Variants in CFAP74 observed in about 807,000 individuals in gnomAD.
The protein encoded by CFAP74 is cilia- and flagella-associated protein 74.
A neutral mutation model predicts 188.9 loss-of-function variants in CFAP74; 124 were observed. That is an observed-to-expected ratio of 0.66 (90% CI 0.57 to 0.76). The LOEUF (loss-of-function observed/expected upper bound fraction) is 0.76, where lower values mean the gene tolerates loss of function less well. CFAP74 is among the 30% of genes least tolerant of loss of function. The pLI is 0.00. For missense variants in CFAP74, 2,198 were observed against 2,165.2 expected, an observed-to-expected ratio of 1.02 and a Z score of -0.30; for synonymous variants, 956 against 916.7, an observed-to-expected ratio of 1.04 and a Z score of -0.77.
rs1656234680 is a variant in CFAP74 at position 1,973,570 on chromosome 1, G to A, written c.674+455C>T. On this transcript the variant is annotated intron_variant, in intron 7 of 38. Transcript: ENST00000682832. The surrounding 1 kb of genome is among the most constrained non-coding windows in gnomAD (Gnocchi z 6.2). ...CCTAGTAGGTGGCCGGGCCCTGGCT[G>A]AGCAGGAGACTCATGACAGAAGACG... Among the ~76,000 whole-genome samples, 1 of 152,120 alleles carries A rather than the reference G, an allele frequency of 6.6e-6. No homozygotes were observed. The highest frequency in any genetic ancestry group is 2.4e-5 in the African/African-American group (1 of 41,428).
rs919309930 is a variant in CFAP74 at position 1,956,529 on chromosome 1, T to C, written c.2016+91A>G. ...CTCCTTCTCCCAGGCCCACTGTTGA[T>C]ACCCTCATGTTGTCACCTCTGTTCA... On this transcript the variant is annotated intron_variant, in intron 17 of 38. Coordinates refer to ENST00000682832, the MANE Select transcript of CFAP74 (RefSeq NM_001304360.2). 5.3e-6 allele frequency: 8 copies of C among 1,498,278 alleles called. No homozygotes were observed. In the African/African-American group the frequency reaches 9.6e-5, roughly 18 times the overall value. 92.8% of individuals were successfully genotyped at this position (1,498,278 alleles called of 1,614,324 possible). A position where few individuals can be genotyped will look rare whatever the true frequency, so the allele number is the denominator to read the frequency against.
At position 1,926,701 on chromosome 1, in the gene CFAP74, C is replaced by T. The variant is rs1035616997; in HGVS notation, c.3723G>A (p.Val1241=). The T allele has an allele frequency of 6.5e-7, 1 of 1,550,040 alleles. No individual in the cohort carries two copies. The highest frequency in any genetic ancestry group is 1.4e-5 in the African/African-American group (1 of 73,024). ...WCPTVAPSVV[V]TSHKGKTIFN... ...AGATGGTCTTGCCTTTATGGGACGT[C>T]ACCACAACAGATGGTGCCACCGTCG... Residue 1241 remains valine (V), a synonymous_variant, in exon 30 of 39, where the codon GTG becomes GTA. Transcript: ENST00000682832.
intron 28 of CFAP74, 80 bp from the exon 29 acceptor site, chr1:1,927,108 TCAGGGTCC>T (rs927080660): frequency 4.5e-5 from 67 of 1,499,248 alleles, no homozygotes; most frequent in East Asian, 3.2e-4. Context: ...CGGCTCTGCC[TCAGGGTCC>T]CAGGGTCCCA....
chr1:1,972,716 C>T (rs900948703), intron 8 of CFAP74, among the ~76,000 whole-genome samples: 6 of 152,096 alleles, frequency 3.9e-5, no homozygotes, highest in East Asian at 1.9e-4. Flanking sequence ...CATGGTGGCG[C>T]GTGCCTGTAA....
chr1:1,922,525 G>A (rs1570802150), intron 38 of CFAP74, 64 bp downstream of exon 38: 2 of 1,587,470 alleles, frequency 1.3e-6, no homozygotes, highest in East Asian at 4.5e-5. Flanking sequence ...CTGGGCAGGG[G>A]TGTCAGCCCA....
At chr1:1,929,818 G>C (rs951551019) in intron 26 of CFAP74, among the ~76,000 whole-genome samples, 6 of 152,110 alleles carry the variant, frequency 3.9e-5, no homozygotes, top group East Asian at 1.9e-4. Context: ...CCTGCCTCTC[G>C]GGGTCAGGCT....
intron 1 of CFAP74, among the ~76,000 whole-genome samples, chr1:1,991,671 G>A (rs1333003304): frequency 6.6e-6 from 1 of 152,104 alleles, no homozygotes; most frequent in Non-Finnish European, 1.5e-5. Flanking sequence ...ATATGCATGT[G>A]AAACTGTGTA....
At chr1:1,990,370 G>A (rs910745325) in intron 2 of CFAP74, among the ~76,000 whole-genome samples, 8 of 150,828 alleles carry the variant, frequency 5.3e-5, no homozygotes, top group Non-Finnish European at 7.4e-5. Flanking sequence ...CAAGGGGGGC[G>A]GGAGAGGGAG....
chr1:1,982,253 CGCGGGG>C (rs1656943931), intron 6 of CFAP74, among the ~76,000 whole-genome samples: 2 of 98,806 alleles, frequency 2.0e-5, no homozygotes, highest in East Asian at 3.2e-4. Flanking sequence ...CGTGGTCACA[CGCGGGG>C]ACACGCAGGA....
At chr1:1,997,362 C>T (rs1657972754) in intron 1 of CFAP74, among the ~76,000 whole-genome samples, 1 of 150,254 alleles carries the variant, frequency 6.7e-6, no homozygotes, top group African/African-American at 2.5e-5. Context: ...GCGGAGGTTG[C>T]AGTGAGCTGA....
At chr1:1,925,682 C>T in intron 33 of CFAP74, 101 bp downstream of exon 33, 1 of 1,362,392 alleles carries the variant, frequency 7.3e-7, no homozygotes, top group Middle Eastern at 2.3e-4. Context: ...CCCACGGGCT[C>T]TCCGACCCAC....
intron 5 of CFAP74, among the ~76,000 whole-genome samples, chr1:1,986,006 C>T (rs1040176305): frequency 7.9e-5 from 12 of 152,328 alleles, no homozygotes; most frequent in African/African-American, 2.2e-4. Flanking sequence ...CATGTGGACA[C>T]GGGTGGTGGG....
rs1216971036 is a variant in CFAP74 at position 1,975,908 on chromosome 1, T to C, written c.501-1710A>G. Among the ~76,000 whole-genome samples, 2 of 152,168 alleles carry C rather than the reference T, an allele frequency of 1.3e-5. No homozygotes were observed. Among genetic ancestry groups the C allele is most frequent in the Non-Finnish European group, 2.9e-5 (2 of 68,036 alleles). ...AGGCAAGACGCTGTCCCAGATGCTGTCGTCGCCCATTCCTGCTGCTGTAGG... is the reference window on the plus strand; with the variant it reads ...AGGCAAGACGCTGTCCCAGATGCTGCCGTCGCCCATTCCTGCTGCTGTAGG... On this transcript the variant is annotated intron_variant, in intron 6 of 38. Transcript: ENST00000682832. This position sits in a 1 kb window ranked among gnomAD's most constrained non-coding sequence, Gnocchi z 4.5.
rs375696027 is a variant in CFAP74, at chr1:1,923,361, G to A, written c.4522+6C>T. On this transcript the variant is annotated splice_donor_region_variant and intron_variant, in intron 36 of 38. Transcript: ENST00000682832. This position sits in a 1 kb window ranked among gnomAD's most constrained non-coding sequence, Gnocchi z 6.3. Reference sequence around the variant, plus strand: ...GTGTCTGTTCCCTCCCTGGGGAGGGGCTCACCCTCTCTGTGCCTGGGGTCA... The same window carrying A: ...GTGTCTGTTCCCTCCCTGGGGAGGGACTCACCCTCTCTGTGCCTGGGGTCA... 179 of 1,562,692 alleles carry A rather than the reference G, an allele frequency of 1.1e-4. No homozygotes were observed. The highest frequency in any genetic ancestry group is 1.5e-4 in the Non-Finnish European group (176 of 1,153,526).
chr1:2,001,454 C>T (rs928319897), intron 1 of CFAP74, among the ~76,000 whole-genome samples: 4 of 152,022 alleles, frequency 2.6e-5, no homozygotes, highest in East Asian at 1.9e-4. Flanking sequence ...CTCAGCCTCC[C>T]GAGTAGCTGG....
intron 38 of CFAP74, 41 bp downstream of exon 38, chr1:1,922,548 C>A (rs761672430): frequency 2.5e-6 from 4 of 1,600,770 alleles, no homozygotes; most frequent in African/African-American, 2.7e-5. Flanking sequence ...CAGCCTTTGG[C>A]GTTCCCAGGG....
At chr1:1,981,456 C>T (rs1252546212) in intron 6 of CFAP74, among the ~76,000 whole-genome samples, 12 of 147,788 alleles carry the variant, frequency 8.1e-5, no homozygotes, top group African/African-American at 2.3e-4. Context: ...CACGGGGGCA[C>T]GCAGGACACC....
At chr1:1,985,958 G>A (rs930270407) in intron 5 of CFAP74, among the ~76,000 whole-genome samples, 1 of 152,266 alleles carries the variant, frequency 6.6e-6, no homozygotes, top group East Asian at 1.9e-4. Context: ...GGTTGCCCAC[G>A]AGAGCGGCAC....
At chr1:1,986,346 A>AC (rs998005264) in intron 5 of CFAP74, among the ~76,000 whole-genome samples, 4 of 152,120 alleles carry the variant, frequency 2.6e-5, no homozygotes, top group Admixed American at 6.5e-5. Flanking sequence ...GAAGCCCCTC[A>AC]CCCCCCAGGG....
Sources: gnomAD v4.1 joint callset for allele counts (sites outside exome capture counted in the v4.1 genomes callset) on GRCh38, gnomAD v4.1.1 for gene constraint, Gnocchi (gnomAD v3.1) non-coding constraint, MANE v1.5 for transcripts, NCBI Gene and HGNC (gene_info 2026-07-23, HGNC 2026-07-21) for gene names.